The following ARHGAP22 variants were observed in gnomAD, a reference collection of about 807,000 sequenced individuals.
The protein encoded by ARHGAP22 is Rho GTPase activating protein 22.
ARHGAP22 carries 48 observed loss-of-function variants against 59.1 expected under a neutral mutation model. The observed-to-expected ratio is 0.81, with a 90% CI of 0.64 to 1.03. ARHGAP22 has a LOEUF of 1.03. Among genes scored for constraint, ARHGAP22 ranks in the 50% least tolerant of loss-of-function variants. The pLI is 0.00. For synonymous variants in ARHGAP22, 445 were observed against 416.4 expected (o/e 1.07, Z -0.84); for missense variants, 1,015 against 958.7 (o/e 1.06, Z -0.78).
At chr10:48,504,994 GA>G (rs2051941246) in intron 3 of ARHGAP22, among the ~76,000 whole-genome samples, 1 of 152,146 alleles carries the variant, frequency 6.6e-6, no homozygotes, top group Non-Finnish European at 1.5e-5. Context: ...GCAATGGGGA[GA>G]GGGGGTGCCC....
upstream of ARHGAP22, chr10:48,605,179 C>T (rs1035761079): frequency 3.6e-5 from 40 of 1,115,128 alleles, no homozygotes; most frequent in Non-Finnish European, 4.2e-5. Flanking sequence ...CAGCCAGAGA[C>T]GCGGGGCGCG....
At chr10:48,646,280 C>T (rs1378628036) in intron 1 of ARHGAP22, among the ~76,000 whole-genome samples, 2 of 152,100 alleles carry the variant, frequency 1.3e-5, no homozygotes, top group Non-Finnish European at 2.9e-5. Flanking sequence ...TCTACAAATT[C>T]AATGTGATTC....
At chr10:48,520,557 A>C (rs1013783085) in intron 3 of ARHGAP22, among the ~76,000 whole-genome samples, 2 of 152,146 alleles carry the variant, frequency 1.3e-5, no homozygotes, top group Non-Finnish European at 2.9e-5. Context: ...TGGTGCTGGG[A>C]AAGGAGGGGA....
At chr10:48,545,413 G>A (rs1366113930) in intron 3 of ARHGAP22, among the ~76,000 whole-genome samples, 1 of 152,206 alleles carries the variant, frequency 6.6e-6, no homozygotes, top group African/African-American at 2.4e-5. Flanking sequence ...GCAAAGCCAG[G>A]AAGTGTAAGA....
At chr10:48,496,152 G>A (rs1231546347) in intron 3 of ARHGAP22, among the ~76,000 whole-genome samples, 4 of 152,072 alleles carry the variant, frequency 2.6e-5, no homozygotes, top group African/African-American at 7.2e-5. Context: ...AGGCTTGGGG[G>A]GTAATCTATG....
intron 1 of ARHGAP22, among the ~76,000 whole-genome samples, chr10:48,595,922 G>A (rs181383815): frequency 1.5e-4 from 23 of 152,072 alleles, no homozygotes; most frequent in African/African-American, 2.9e-4. Context: ...GCCTCGCCTC[G>A]GCATGAAGAA....
chr10:48,479,845 TC>T, intron 3 of ARHGAP22, 81 bp from the exon 4 acceptor site: 1 of 1,366,626 alleles, frequency 7.3e-7, no homozygotes, highest in East Asian at 2.6e-5. Context: ...TCAGCATTAC[TC>T]CCTGTGGGAT....
At chr10:48,479,370 C>A (rs2134066815) in intron 4 of ARHGAP22, among the ~76,000 whole-genome samples, 1 of 152,272 alleles carries the variant, frequency 6.6e-6, no homozygotes, top group Middle Eastern at 3.4e-3. Flanking sequence ...TGTGGCCTAT[C>A]CTCATGAATT....
downstream of ARHGAP22, chr10:48,445,885 TGGG>T (rs764593748): frequency 6.2e-6 from 1 of 160,790 alleles, no homozygotes; most frequent in Admixed American, 5.8e-5. Context: ...TGTTGCCCCT[TGGG>T]GGGCTTCACG....
upstream of ARHGAP22, among the ~76,000 whole-genome samples, chr10:48,610,036 T>G (rs1003688625): frequency 6.6e-6 from 1 of 152,208 alleles, no homozygotes. Flanking sequence ...TGCTCTGTCA[T>G]AGAGGGAATG....
rs1467243052 is a variant in ARHGAP22 at position 48,652,501 on chromosome 10, C to G, written c.-216G>C. 1.0e-5 allele frequency: 6 copies of G among 579,234 alleles called. No individual in the cohort carries two copies. In the South Asian group the frequency reaches 1.4e-4, roughly 13 times the overall value. The allele number at this position is 579,234 out of a possible 1,614,324, so 35.9% of individuals were successfully genotyped here. A position where few individuals can be genotyped will look rare whatever the true frequency, so the allele number is the denominator to read the frequency against. On this transcript the variant is annotated 5_prime_UTR_variant, in exon 1 of 10. Coordinates refer to the ARHGAP22 transcript ENST00000435790. ...ATTAGTTCATTAAGCGTAAGTGCAT[C>G]TAGGGATCTTGGAATGGCCTTGAGA...
chr10:48,562,097 G>A (rs894295381), intron 2 of ARHGAP22, among the ~76,000 whole-genome samples: 2 of 151,964 alleles, frequency 1.3e-5, no homozygotes, highest in Non-Finnish European at 2.9e-5. Flanking sequence ...GTGTTGGCAC[G>A]TGCCTGTAGT....
intron 1 of ARHGAP22, among the ~76,000 whole-genome samples, chr10:48,639,724 A>C (rs1257442322): frequency 6.6e-6 from 1 of 152,250 alleles, no homozygotes; most frequent in Non-Finnish European, 1.5e-5. Flanking sequence ...ACAATTTAAC[A>C]ACAACATTAA....
chr10:48,579,301 G>C (rs2058964606), intron 2 of ARHGAP22, among the ~76,000 whole-genome samples: 1 of 152,156 alleles, frequency 6.6e-6, no homozygotes, highest in South Asian at 2.1e-4. Context: ...AGTGGAAATA[G>C]ACCAGGCTGA....
chr10:48,480,033 T>G (rs1206394268), intron 3 of ARHGAP22, among the ~76,000 whole-genome samples: 1 of 152,250 alleles, frequency 6.6e-6, no homozygotes, highest in African/African-American at 2.4e-5. Flanking sequence ...CAGGACACTA[T>G]TAGAAAATAA....
At chr10:48,569,816 A>T (rs892963330) in intron 2 of ARHGAP22, among the ~76,000 whole-genome samples, 2 of 152,194 alleles carry the variant, frequency 1.3e-5, no homozygotes, top group African/African-American at 4.8e-5. Context: ...TTCGGGGGCA[A>T]CCAAGACATT....
At chr10:48,499,692 G>A (rs1456606635) in intron 3 of ARHGAP22, among the ~76,000 whole-genome samples, 1 of 152,154 alleles carries the variant, frequency 6.6e-6, no homozygotes, top group African/African-American at 2.4e-5. Context: ...ATTTTTCAGG[G>A]TACTTGTTTA....
chr10:48,604,053 T>G (rs1362806230), intron 1 of ARHGAP22, among the ~76,000 whole-genome samples: 1 of 152,250 alleles, frequency 6.6e-6, no homozygotes, highest in African/African-American at 2.4e-5. Flanking sequence ...AATGACACTT[T>G]CCGTGGCTAA....
intron 1 of ARHGAP22, among the ~76,000 whole-genome samples, chr10:48,602,416 C>T (rs112292487): frequency 1.8e-4 from 27 of 151,742 alleles, no homozygotes; most frequent in African/African-American, 6.3e-4. Context: ...GACAGAAATT[C>T]TAAAAGGAAA....
Sources: allele counts gnomAD v4.1 joint callset (sites outside exome capture counted in the v4.1 genomes callset), GRCh38; gene constraint gnomAD v4.1.1; transcripts MANE v1.5; gene names NCBI Gene and HGNC (gene_info 2026-07-23, HGNC 2026-07-21).